SSBP3: variants seen among roughly 807,000 people sequenced by gnomAD.
SSBP3 encodes the protein single stranded DNA binding protein 3.
A neutral mutation model predicts 69.6 loss-of-function variants in SSBP3; 5 were observed. That is an observed-to-expected ratio of 0.07 (90% CI 0.04 to 0.15). The LOEUF is 0.15. SSBP3 is among the 10% of genes least tolerant of loss of function. The probability of loss-of-function intolerance (pLI) is 1.00; values close to 1 mark genes in which losing one functional copy is unlikely to be tolerated. For missense variants in SSBP3, 312 were observed against 534.0 expected, an observed-to-expected ratio of 0.58 and a Z score of 4.10; for synonymous variants, 196 against 193.4, an observed-to-expected ratio of 1.01 and a Z score of -0.11.
Position 54,249,070 on chromosome 1 carries a change from C to T in SSBP3, c.651+2546G>A, listed in dbSNP as rs567150088. ...AGGGCCTCAGCCGCTGGGACCCTCA[C>T]TTCTTTAAAGTGTGCCAAAGAGTGT... On this transcript the variant is annotated intron_variant, in intron 9 of 17. Transcript: ENST00000610401. Among the ~76,000 whole-genome samples, 9 of 152,228 alleles carry T rather than the reference C, an allele frequency of 5.9e-5. No homozygotes were observed. The South Asian group carries it at 6.2e-4, about 11-fold the overall frequency.
At chr1:54,225,459 A>G (rs755107356) in exon 18 of SSBP3, 22 of 1,207,978 alleles carry the variant, frequency 1.8e-5, no homozygotes, top group Non-Finnish European at 2.3e-5. Flanking sequence ...CCTTTAATAA[A>G]ACGTTATCAA....
chr1:54,392,186 C>T (rs866386885), intron 4 of SSBP3, among the ~76,000 whole-genome samples: 1 of 152,268 alleles, frequency 6.6e-6, no homozygotes, highest in African/African-American at 2.4e-5. Flanking sequence ...ACCAAGTGCC[C>T]GCCAGGCACC....
intron 4 of SSBP3, among the ~76,000 whole-genome samples, chr1:54,301,996 C>T (rs906664898): frequency 5.3e-5 from 8 of 152,158 alleles, no homozygotes; most frequent in African/African-American, 1.7e-4. Context: ...GACGGAGGCA[C>T]GAACTATGCA....
chr1:54,251,816 A>T, exon 8 of SSBP3: 1 of 1,611,812 alleles, frequency 6.2e-7, no homozygotes, highest in Non-Finnish European at 8.5e-7. Flanking sequence ...TGGGATCCAT[A>T]GAATTGGGCA....
chr1:54,306,690 C>T (rs1002530143), intron 4 of SSBP3, among the ~76,000 whole-genome samples: 2 of 152,144 alleles, frequency 1.3e-5, no homozygotes, highest in African/African-American at 2.4e-5. Context: ...TTATACCAAC[C>T]CCAAGATATA....
chr1:54,238,508 G>A (rs1267702005), intron 14 of SSBP3: 1 of 370,708 alleles, frequency 2.7e-6, no homozygotes, highest in Non-Finnish European at 5.5e-6. Flanking sequence ...TGGGTGAGGA[G>A]ACAGGCTGCA....
chr1:54,325,432 A>G (rs1646284642), intron 4 of SSBP3: 1 of 167,192 alleles, frequency 6.0e-6, no homozygotes, highest in South Asian at 2.1e-4. Context: ...TGGCTGAATG[A>G]ATGAAGACAG....
chr1:54,302,912 T>C (rs564762086), intron 4 of SSBP3, among the ~76,000 whole-genome samples: 1 of 152,290 alleles, frequency 6.6e-6, no homozygotes, highest in Admixed American at 6.5e-5. Flanking sequence ...AGCCATGCCC[T>C]GGCAGTGCTA....
At chr1:54,326,873 G>A (rs1224979727) in intron 4 of SSBP3, among the ~76,000 whole-genome samples, 2 of 152,054 alleles carry the variant, frequency 1.3e-5, no homozygotes, top group East Asian at 1.9e-4. Context: ...CCTAAGTAGC[G>A]CAGGCCATAA....
At chr1:54,401,903 G>A (rs776614644) in exon 4 of SSBP3, 2 of 1,614,090 alleles carry the variant, frequency 1.2e-6, no homozygotes, top group Non-Finnish European at 1.7e-6. Flanking sequence ...GTTCACAAGT[G>A]TCTCTCCTTT....
chr1:54,238,352 C>T (rs568778150), intron 14 of SSBP3: 3 of 470,156 alleles, frequency 6.4e-6, no homozygotes, highest in Non-Finnish European at 8.8e-6. Context: ...GTCTGTAGAC[C>T]TCCTTTTCAG....
chr1:54,380,269 C>CT (rs531394941), intron 4 of SSBP3, among the ~76,000 whole-genome samples: 8 of 152,174 alleles, frequency 5.3e-5, no homozygotes, highest in Non-Finnish European at 1.2e-4. Context: ...CACACACCCC[C>CT]TCCTTTTTCC....
chr1:54,412,488 A>G (rs1650018650), intron 1 of SSBP3, among the ~76,000 whole-genome samples: 1 of 152,218 alleles, frequency 6.6e-6, no homozygotes, highest in Non-Finnish European at 1.5e-5. Context: ...AGTACCTAGA[A>G]TAGTCAAATT....
chr1:54,238,353 T>A (rs1644537491), intron 14 of SSBP3: 1 of 469,970 alleles, frequency 2.1e-6, no homozygotes, highest in East Asian at 7.0e-5. Context: ...TCTGTAGACC[T>A]CCTTTTCAGA....
At chr1:54,316,660 T>TAAAAATA (rs1329947274) in intron 4 of SSBP3, among the ~76,000 whole-genome samples, 25 of 27,598 alleles carry the variant, frequency 9.1e-4, no homozygotes, top group African/African-American at 3.7e-3. Context: ...AAAAAAAAAA[T>TAAAAATA]AAAATAAATA....
intron 14 of SSBP3, chr1:54,238,771 G>A (rs988518464): frequency 3.4e-5 from 11 of 324,548 alleles, no homozygotes; most frequent in African/African-American, 2.7e-4. Context: ...AGACCCAGGA[G>A]GAGAGGGATT....
chr1:54,408,708 C>G (rs1649914405), upstream of SSBP3, among the ~76,000 whole-genome samples: 1 of 152,170 alleles, frequency 6.6e-6, no homozygotes, highest in African/African-American at 2.4e-5. Flanking sequence ...ATCTGATGTG[C>G]TACAATGTTA....
At position 54,354,375 on chromosome 1, in the gene SSBP3, G is replaced by C. The variant is rs377085168; in HGVS notation, c.276+47486C>G. Among the ~76,000 whole-genome samples the C allele has an allele frequency of 1.4e-3, 206 of 152,278 alleles. 8 individuals are homozygous for C. In the South Asian group the frequency reaches 0.028, roughly 21 times the overall value. The stretch of plus-strand genomic sequence containing the variant: ...CCCACAAAACATAAGCCAATGCTGG[G>C]ACCCTCAATGGACTCTGAGGGTCAC... On this transcript the variant is annotated intron_variant, in intron 4 of 17. Transcript: ENST00000610401.
intron 4 of SSBP3, among the ~76,000 whole-genome samples, chr1:54,372,259 T>C (rs1180785410): frequency 6.6e-6 from 1 of 152,204 alleles, no homozygotes. Context: ...AACTACCTCA[T>C]GTTGAAAGCA....
Sources: gnomAD v4.1 joint callset for allele counts (sites outside exome capture counted in the v4.1 genomes callset) on GRCh38, gnomAD v4.1.1 for gene constraint, MANE v1.5 for transcripts, NCBI Gene and HGNC (gene_info 2026-07-23, HGNC 2026-07-21) for gene names.